The following CUX2 variants were observed in gnomAD, a reference collection of about 807,000 sequenced individuals.
CUX2 encodes the protein homeobox protein cut-like 2.
CUX2 carries 40 observed loss-of-function variants against 144.8 expected under a neutral mutation model. The observed-to-expected ratio is 0.28, with a 90% CI of 0.21 to 0.36. CUX2 has a LOEUF of 0.36. CUX2 is among the 10% of genes least tolerant of loss of function. The probability of loss-of-function intolerance (pLI) is 1.00; values close to 1 mark genes in which losing one functional copy is unlikely to be tolerated. For synonymous variants in CUX2, 827 were observed against 875.6 expected (o/e 0.94, Z 0.98); for missense variants, 1,615 against 1,994.0 (o/e 0.81, Z 3.62).
At chr12:111,269,557 A>G (rs1238543303) in intron 4 of CUX2, among the ~76,000 whole-genome samples, 1 of 152,206 alleles carries the variant, frequency 6.6e-6, no homozygotes, top group African/African-American at 2.4e-5. Flanking sequence ...CTGTCATCAC[A>G]GTCACAGGGG....
rs573475243 is a variant in CUX2, at chr12:111,289,343, C to T, written c.302-2075C>T. On this transcript the variant is annotated intron_variant, in intron 4 of 21. Coordinates refer to ENST00000261726, the MANE Select transcript of CUX2 (RefSeq NM_015267.4). This position sits in a 1 kb window ranked among gnomAD's most constrained non-coding sequence, Gnocchi z 4.1. ...GATATCAAAGCAAGAGACCCAGATT[C>T]GAGTCTCACATCTACCTTTCAGCAA... 7.2e-5 allele frequency among the ~76,000 whole-genome samples: 11 copies of T among 152,118 alleles called. No homozygotes were observed. Among genetic ancestry groups the T allele is most frequent in the South Asian group, 6.2e-4 (3 of 4,822 alleles).
chr12:111,195,453 C>T (rs576875880), intron 1 of CUX2, among the ~76,000 whole-genome samples: 39 of 152,314 alleles, frequency 2.6e-4, no homozygotes, highest in Non-Finnish European at 8.8e-5. Context: ...TCCCGGCCAG[C>T]GGGGCATCAC....
intron 1 of CUX2, among the ~76,000 whole-genome samples, chr12:111,052,055 A>G (rs763283289): frequency 1.3e-5 from 2 of 152,088 alleles, no homozygotes; most frequent in Non-Finnish European, 2.9e-5. Flanking sequence ...CCTGAGCCAC[A>G]TTCCCTATGC....
intron 1 of CUX2, among the ~76,000 whole-genome samples, chr12:111,184,934 C>T (rs1271820601): frequency 2.0e-5 from 3 of 152,086 alleles, no homozygotes; most frequent in Admixed American, 2.0e-4. Flanking sequence ...TGGTGGCGGG[C>T]ACCTGTAGTC....
In CUX2 at chr12:111,290,867, CTTT is replaced by C. The variant is rs35377571; in HGVS notation, c.302-540_302-538del. ...GCGTTAGCCACTGCACTCAGCCAAC[CTTT>C]TTTTTTTTTTGAGATGGAGTCTTGC... On this transcript the variant is annotated intron_variant, in intron 4 of 21. Transcript: ENST00000261726. Among the ~76,000 whole-genome samples the C allele has an allele frequency of 1.7e-4, 24 of 141,642 alleles. No individual in the cohort carries two copies. In the South Asian group the frequency reaches 4.8e-3, roughly 28 times the overall value. The allele number at this position is 141,642 out of a possible 152,430, so 92.9% of individuals were successfully genotyped here.
intron 1 of CUX2, among the ~76,000 whole-genome samples, chr12:111,056,850 C>T (rs1870550209): frequency 1.3e-5 from 2 of 152,154 alleles, no homozygotes; most frequent in African/African-American, 4.8e-5. Flanking sequence ...TTGTGACAGG[C>T]TGTAAAGGGA....
intron 1 of CUX2, among the ~76,000 whole-genome samples, chr12:111,058,758 C>T (rs1007455520): frequency 5.9e-5 from 9 of 151,978 alleles, no homozygotes; most frequent in Non-Finnish European, 1.3e-4. Context: ...AGGGAGAGAC[C>T]GCAGTGCAAA....
intron 3 of CUX2, among the ~76,000 whole-genome samples, chr12:111,235,378 C>T (rs1882690717): frequency 6.6e-6 from 1 of 152,054 alleles, no homozygotes; most frequent in African/African-American, 2.4e-5. Flanking sequence ...TGGAGGTGTA[C>T]AGGCAGGAGG....
At chr12:111,231,744 C>T (rs1882472117) in intron 3 of CUX2, among the ~76,000 whole-genome samples, 2 of 151,976 alleles carry the variant, frequency 1.3e-5, no homozygotes, top group South Asian at 4.1e-4. Flanking sequence ...TTTAAAAATA[C>T]AGTATAACAG....
chr12:111,335,776 T>C (rs967813403), intron 19 of CUX2, among the ~76,000 whole-genome samples: 1 of 151,902 alleles, frequency 6.6e-6, no homozygotes, highest in African/African-American at 2.4e-5. Context: ...CTTCACACAT[T>C]GTGGTGAATG....
chr12:111,203,049 T>C (rs892361654), intron 1 of CUX2, among the ~76,000 whole-genome samples: 6 of 152,026 alleles, frequency 3.9e-5, no homozygotes, highest in Admixed American at 2.6e-4. Context: ...CTGGCCAATG[T>C]GGTGAAACCC....
chr12:111,181,140 A>T (rs1022115638), intron 1 of CUX2, among the ~76,000 whole-genome samples: 10 of 152,234 alleles, frequency 6.6e-5, no homozygotes, highest in African/African-American at 2.4e-4. Context: ...GCCGCGTGCC[A>T]GGGAAGCCGC....
At chr12:111,140,892 G>T (rs1876271320) in intron 1 of CUX2, among the ~76,000 whole-genome samples, 1 of 152,208 alleles carries the variant, frequency 6.6e-6, no homozygotes. Flanking sequence ...CCCACCTGGG[G>T]ACGATGCCTG....
chr12:111,283,876 A>G (rs1372360564), intron 4 of CUX2, among the ~76,000 whole-genome samples: 1 of 152,102 alleles, frequency 6.6e-6, no homozygotes, highest in African/African-American at 2.4e-5. Context: ...AGCCTGTGGT[A>G]TGTTTTTAAT....
chr12:111,259,402 C>G (rs928006650), intron 3 of CUX2, among the ~76,000 whole-genome samples: 2 of 152,100 alleles, frequency 1.3e-5, no homozygotes, highest in African/African-American at 4.8e-5. Flanking sequence ...AAACAGTGAC[C>G]ATGCCTTTGT....
At chr12:111,210,503 A>G (rs1017039386) in intron 1 of CUX2, among the ~76,000 whole-genome samples, 18 of 152,152 alleles carry the variant, frequency 1.2e-4, no homozygotes, top group African/African-American at 3.9e-4. Flanking sequence ...TAAGATTAAT[A>G]TCAGCCAAGG....
chr12:111,187,800 G>A (rs1879640674), intron 1 of CUX2, among the ~76,000 whole-genome samples: 1 of 152,272 alleles, frequency 6.6e-6, no homozygotes, highest in South Asian at 2.1e-4. Flanking sequence ...GCTGGCTTTG[G>A]CCCACAGATG....
At chr12:111,050,833 T>A (rs954774490) in intron 1 of CUX2, among the ~76,000 whole-genome samples, 4 of 152,226 alleles carry the variant, frequency 2.6e-5, no homozygotes, top group African/African-American at 9.6e-5. Context: ...AAGAATTTTT[T>A]AATAGAAGTT....
chr12:111,048,040 G>A (rs1311367439), intron 1 of CUX2, among the ~76,000 whole-genome samples: 4 of 152,246 alleles, frequency 2.6e-5, no homozygotes, highest in African/African-American at 9.6e-5. Context: ...GGAGGCCAGT[G>A]AGGCTAGAGA....
Sources: gnomAD v4.1 joint callset for allele counts (sites outside exome capture counted in the v4.1 genomes callset) on GRCh38, gnomAD v4.1.1 for gene constraint, Gnocchi (gnomAD v3.1) non-coding constraint, MANE v1.5 for transcripts, NCBI Gene and HGNC (gene_info 2026-07-23, HGNC 2026-07-21) for gene names.